Variants in SIPA1L3 observed in about 807,000 individuals in gnomAD.
The protein encoded by SIPA1L3 is signal induced proliferation associated 1 like 3.
In SIPA1L3, 59 loss-of-function variants were observed where a neutral mutation model predicts 150.1. The ratio of observed to expected loss-of-function variants is 0.39; its 90% CI spans 0.32 to 0.49. The LOEUF is 0.49. SIPA1L3 is among the 20% of genes least tolerant of loss of function. SIPA1L3 has a pLI of 0.86. For missense variants in SIPA1L3, 2,211 were observed against 2,489.5 expected (o/e 0.89, Z 2.38); for synonymous variants, 1,070 against 1,077.6 (o/e 0.99, Z 0.14).
chr19:38,132,600 GAA>G (rs76641578), intron 10 of SIPA1L3, among the ~76,000 whole-genome samples: 2 of 134,842 alleles, frequency 1.5e-5, no homozygotes, highest in South Asian at 2.4e-4. Flanking sequence ...AAAAAAAAAA[GAA>G]AAAAAGAATT....
chr19:38,193,718 C>T lies in SIPA1L3; in HGVS notation c.4778C>T (p.Pro1593Leu). 6.4e-7 allele frequency: 1 copy of T among 1,567,540 alleles called. No individual in the cohort carries two copies. The part of the protein sequence containing the change: ...TLPARRQHQH[P>L]HPPVGPGATP... The stretch of plus-strand genomic sequence containing the variant: ...CCTGCACGCCGCCAGCACCAGCACC[C>T]CCACCCGCCCGTCGGCCCCGGTGCC... The change falls in exon 18 of 22, where the codon CCC becomes CTC. Residue 1593 changes from proline to leucine, a missense_variant. Pro to Leu is a moderately conservative substitution (Grantham distance 98). This residue lies in a region of SIPA1L3 where 806 missense variants were observed against 870.1 expected (regional missense o/e 0.93). Transcript: ENST00000222345.
chr19:38,125,592 G>A (rs569425744), intron 9 of SIPA1L3, among the ~76,000 whole-genome samples: 1 of 152,154 alleles, frequency 6.6e-6, no homozygotes, highest in South Asian at 2.1e-4. Flanking sequence ...CAGTGGGCCA[G>A]GGAATGGTGA....
chr19:38,045,006 G>A (rs1315792366), intron 2 of SIPA1L3, among the ~76,000 whole-genome samples: 1 of 152,210 alleles, frequency 6.6e-6, no homozygotes, highest in Non-Finnish European at 1.5e-5. Context: ...ATAGGCTTGA[G>A]CTGTTGTTAC....
chr19:37,979,700 A>AC (rs927655638), intron 1 of SIPA1L3, among the ~76,000 whole-genome samples: 1 of 152,068 alleles, frequency 6.6e-6, no homozygotes, highest in Non-Finnish European at 1.5e-5. Flanking sequence ...AGTGTGACCC[A>AC]CCCCCCAAAC....
chr19:37,942,746 C>T (rs2046671475), intron 1 of SIPA1L3, among the ~76,000 whole-genome samples: 1 of 151,976 alleles, frequency 6.6e-6, no homozygotes, highest in South Asian at 2.1e-4. Flanking sequence ...GTGGGTGGCC[C>T]AACAGAACTT....
intron 2 of SIPA1L3, among the ~76,000 whole-genome samples, chr19:38,065,280 G>A (rs960668966): frequency 6.6e-6 from 1 of 152,032 alleles, no homozygotes; most frequent in African/African-American, 2.4e-5. Context: ...AAATTGTTCA[G>A]ACTCCATGGG....
chr19:37,917,973 C>A (rs759628347), intron 1 of SIPA1L3, among the ~76,000 whole-genome samples: 1 of 151,812 alleles, frequency 6.6e-6, no homozygotes, highest in Non-Finnish European at 1.5e-5. Flanking sequence ...CCACTGCACT[C>A]CAGCCTGGGT....
rs1274167839 is a variant in SIPA1L3, at chr19:38,050,421, A to AC, written c.-311+21266dup. 2.6e-5 allele frequency among the ~76,000 whole-genome samples: 4 copies of AC among 152,098 alleles called. No homozygotes were observed. In the East Asian group the frequency reaches 5.8e-4, roughly 22 times the overall value. Reference sequence around the variant, plus strand: ...AAGTGAGCCAAGATCACACCACTGCACTCCAGCCTGGCCAACAGAGTGAGA... The same window carrying AC: ...AAGTGAGCCAAGATCACACCACTGCACCTCCAGCCTGGCCAACAGAGTGAGA... On this transcript the variant is annotated intron_variant, in intron 2 of 21. Coordinates refer to ENST00000222345, the MANE Select transcript of SIPA1L3 (RefSeq NM_015073.3).
rs181552067 is a variant in SIPA1L3 at position 38,082,901 on chromosome 19, C to T, written c.1336C>T (p.Arg446Trp). Residue 446 changes from arginine (R) to tryptophan (W), a missense_variant, in exon 3 of 22, where the codon CGG (arginine) becomes TGG (tryptophan). This residue lies in a region of SIPA1L3 where 587 missense variants were observed against 534.5 expected (regional missense o/e 1.10). Coordinates refer to ENST00000222345, the MANE Select transcript of SIPA1L3 (RefSeq NM_015073.3). ...GECERNVSFS[R>W]ASVGSPSSGE... ...GTGTGAGCGCAACGTGAGCTTCTCCCGGGCTTCCGTGGGCTCCCCGAGCAG... is the reference window on the plus strand; with the variant it reads ...GTGTGAGCGCAACGTGAGCTTCTCCTGGGCTTCCGTGGGCTCCCCGAGCAG... 9.7e-5 allele frequency: 157 copies of T among 1,613,310 alleles called. No individual in the cohort carries two copies. The East Asian group carries it at 3.1e-3, about 32-fold the overall frequency.
intron 1 of SIPA1L3, among the ~76,000 whole-genome samples, chr19:38,007,485 A>G (rs1024984428): frequency 9.2e-5 from 14 of 151,556 alleles, no homozygotes; most frequent in African/African-American, 3.4e-4. Context: ...AGAAAAAAAC[A>G]AATATTGTAT....
intron 1 of SIPA1L3, among the ~76,000 whole-genome samples, chr19:37,967,097 G>T (rs1417609016): frequency 6.6e-6 from 1 of 152,032 alleles, no homozygotes; most frequent in Admixed American, 6.6e-5. Context: ...TTCCTTCCGA[G>T]GTCTATCAAG....
chr19:38,168,571 G>T (rs1972258382), intron 15 of SIPA1L3, among the ~76,000 whole-genome samples: 1 of 152,102 alleles, frequency 6.6e-6, no homozygotes, highest in Admixed American at 6.5e-5. Context: ...CTCAGGTCTC[G>T]ATTGCAGTAG....
At chr19:37,953,704 T>G (rs904256470) in intron 1 of SIPA1L3, among the ~76,000 whole-genome samples, 11 of 152,166 alleles carry the variant, frequency 7.2e-5, no homozygotes, top group African/African-American at 2.7e-4. Context: ...CCCTGAAAGC[T>G]GGGAAAGAAG....
At chr19:38,205,287 C>T (rs963151792) in intron 21 of SIPA1L3, among the ~76,000 whole-genome samples, 2 of 87,538 alleles carry the variant, frequency 2.3e-5, no homozygotes, top group African/African-American at 1.1e-4. Flanking sequence ...TGGTGAAACC[C>T]CGTCTCTACT....
chr19:38,160,533 C>T (rs974588258), intron 13 of SIPA1L3, among the ~76,000 whole-genome samples: 1 of 152,080 alleles, frequency 6.6e-6, no homozygotes, highest in African/African-American at 2.4e-5. Context: ...TCCCAAGTAG[C>T]TGGGACTACA....
At chr19:38,054,619 GA>G (rs1403901909) in intron 2 of SIPA1L3, among the ~76,000 whole-genome samples, 3 of 135,152 alleles carry the variant, frequency 2.2e-5, no homozygotes, top group Non-Finnish European at 4.7e-5. Flanking sequence ...AATTGTCTTT[GA>G]ATCCAAGTTT....
At chr19:37,928,262 A>T (rs2046524063) in intron 1 of SIPA1L3, among the ~76,000 whole-genome samples, 1 of 152,080 alleles carries the variant, frequency 6.6e-6, no homozygotes, top group South Asian at 2.1e-4. Context: ...TCTGTGTGCT[A>T]CTGCAGTGGT....
At chr19:38,104,272 G>A (rs1186440305) in intron 6 of SIPA1L3, among the ~76,000 whole-genome samples, 1 of 152,248 alleles carries the variant, frequency 6.6e-6, no homozygotes, top group Non-Finnish European at 1.5e-5. Context: ...GCTGTAGGAG[G>A]AACGAGCATG....
At chr19:38,192,472 C>A (rs545001800) in intron 17 of SIPA1L3, among the ~76,000 whole-genome samples, 162 bp downstream of exon 17, 1 of 152,332 alleles carries the variant, frequency 6.6e-6, no homozygotes, top group East Asian at 1.9e-4. Flanking sequence ...GCTATGGGCT[C>A]ATGGCTGGGA....
Sources: gnomAD v4.1 joint callset for allele counts (sites outside exome capture counted in the v4.1 genomes callset) on GRCh38, gnomAD v4.1.1 for gene constraint, gnomAD v4.1.1 regional missense constraint, MANE v1.5 for transcripts, NCBI Gene and HGNC (gene_info 2026-07-23, HGNC 2026-07-21) for gene names.